C2orf66: variants seen among roughly 807,000 people sequenced by gnomAD.
C2orf66 encodes uncharacterized protein C2orf66.
In C2orf66, 6 loss-of-function variants were observed where a neutral mutation model predicts 7.0. That is an observed-to-expected ratio of 0.86 (90% CI 0.47 to 1.69). C2orf66 has a LOEUF of 1.69. C2orf66 is among the 40% of genes most tolerant of loss of function. The pLI, the probability that C2orf66 is intolerant of heterozygous loss-of-function variation, is 0.01. For synonymous variants in C2orf66, 38 were observed against 43.8 expected (o/e 0.87, Z 0.52); for missense variants, 107 against 112.0 (o/e 0.96, Z 0.20).
At chr2:196,831,192 C>T in the C2orf66 span, among the ~76,000 whole-genome samples, 1 of 152,138 alleles carries the variant, frequency 6.6e-6, no homozygotes, top group South Asian at 2.1e-4. Context: ...TTCCCTTTGT[C>T]CCCTAGGCCT....
upstream of C2orf66, among the ~76,000 whole-genome samples, chr2:196,811,686 G>A (rs561973011): frequency 1.2e-4 from 18 of 152,242 alleles, no homozygotes; most frequent in Admixed American, 9.8e-4. Context: ...GGGTTGGAGA[G>A]TATGCAATAG....
chr2:196,807,542 T>C lies in C2orf66; in HGVS notation c.204A>G (p.Glu68=). The change falls in exon 2 of 3, where the codon GAA becomes GAG. Residue 68 remains glutamate, a synonymous_variant. Coordinates refer to ENST00000342506, the MANE Select transcript of C2orf66 (RefSeq NM_213608.3). ...GTFPNPFPTN[E]NPRPLSFQSE... ...ACTGGAAAGAGAGAGGTCTAGGATT[T>C]TCATTCGTGGGGAAAGGATTTGGAA... is the stretch of plus-strand genomic sequence containing the variant. 1 of 1,613,872 alleles carries C rather than the reference T, an allele frequency of 6.2e-7. No homozygotes were observed. Among genetic ancestry groups the C allele is most frequent in the Non-Finnish European group, 8.5e-7 (1 of 1,179,842 alleles).
chr2:196,826,398 C>T, the C2orf66 span, among the ~76,000 whole-genome samples: 2 of 152,114 alleles, frequency 1.3e-5, no homozygotes, highest in African/African-American at 4.8e-5. Context: ...ATTTAAACTT[C>T]TTTAACAATA....
upstream of C2orf66, among the ~76,000 whole-genome samples, chr2:196,813,374 T>C (rs575318353): frequency 2.6e-5 from 4 of 152,290 alleles, no homozygotes; most frequent in East Asian, 3.9e-4. Flanking sequence ...TGGCTAGCCA[T>C]ATGTAGAAAG....
the C2orf66 span, among the ~76,000 whole-genome samples, chr2:196,817,797 A>G: frequency 6.6e-6 from 1 of 152,156 alleles, no homozygotes; most frequent in Non-Finnish European, 1.5e-5. Context: ...ATTTAGTGAT[A>G]TCTTCCCTAC....
the C2orf66 span, among the ~76,000 whole-genome samples, chr2:196,830,592 G>A: frequency 6.6e-6 from 1 of 152,176 alleles, no homozygotes; most frequent in African/African-American, 2.4e-5. Context: ...CTTGTAAGAG[G>A]AGCATTTACA....
the C2orf66 span, among the ~76,000 whole-genome samples, chr2:196,815,901 G>T: frequency 6.6e-6 from 1 of 152,128 alleles, no homozygotes; most frequent in Non-Finnish European, 1.5e-5. Context: ...CTTCCCCTTG[G>T]CCTAAGTGAA....
chr2:196,830,734 A>C, the C2orf66 span, among the ~76,000 whole-genome samples: 2 of 152,158 alleles, frequency 1.3e-5, no homozygotes, highest in African/African-American at 4.8e-5. Context: ...AATTTGGATA[A>C]GGATTTAAAG....
chr2:196,822,293 T>G, the C2orf66 span, among the ~76,000 whole-genome samples: 2 of 152,160 alleles, frequency 1.3e-5, no homozygotes, highest in African/African-American at 2.4e-5. Context: ...TCCAAAATGA[T>G]AGTTCATTCC....
rs1699806432 is a variant in C2orf66 at position 196,805,135 on chromosome 2, A to G, written c.*293T>C. 1 of 152,198 alleles carries G rather than the reference A, an allele frequency of 6.6e-6. No homozygotes were observed. The highest frequency in any genetic ancestry group is 2.4e-5 in the African/African-American group (1 of 41,448). The allele number at this position is 152,198 out of a possible 1,614,324, so 9.4% of individuals were successfully genotyped here. ...AAAGAAACATCTAATTTAGATTATA[A>G]TCTTTTTTCAGTTTGTGATGTTTTT... On this transcript the variant is annotated 3_prime_UTR_variant, in exon 3 of 3. Transcript: ENST00000342506.
upstream of C2orf66, chr2:196,810,042 A>G (rs1219174406): frequency 1.3e-5 from 2 of 152,232 alleles, no homozygotes; most frequent in East Asian, 3.8e-4. Flanking sequence ...TTAAAAAATA[A>G]TGATTCCTTT....
chr2:196,817,524 C>G, the C2orf66 span, among the ~76,000 whole-genome samples: 8 of 152,044 alleles, frequency 5.3e-5, no homozygotes, highest in African/African-American at 1.9e-4. Flanking sequence ...CTTGTGCCAC[C>G]GCACCTGGCC....
the C2orf66 span, among the ~76,000 whole-genome samples, chr2:196,819,494 C>A: frequency 4.6e-5 from 7 of 152,230 alleles, no homozygotes; most frequent in African/African-American, 1.7e-4. Flanking sequence ...CTTAGATTTC[C>A]AGTCTCCAGA....
chr2:196,826,345 T>A, the C2orf66 span, among the ~76,000 whole-genome samples: 3 of 152,358 alleles, frequency 2.0e-5, no homozygotes, highest in East Asian at 3.9e-4. Flanking sequence ...CTAAATTTTT[T>A]AATTTACATA....
At chr2:196,806,025 A>G (rs969845818) in intron 2 of C2orf66, among the ~76,000 whole-genome samples, 1 of 152,124 alleles carries the variant, frequency 6.6e-6, no homozygotes, top group African/African-American at 2.4e-5. Context: ...AATAATGAAA[A>G]CCCTTTCACA....
chr2:196,823,401 T>A, the C2orf66 span, among the ~76,000 whole-genome samples: 1 of 152,218 alleles, frequency 6.6e-6, no homozygotes, highest in Admixed American at 6.5e-5. Context: ...GGCAGGTGGA[T>A]GACTTGAGCT....
upstream of C2orf66, chr2:196,809,502 T>C (rs1441072217): frequency 5.1e-6 from 5 of 979,120 alleles, no homozygotes; most frequent in Admixed American, 2.6e-5. Context: ...TTTTTCCAGA[T>C]TGACTTCTAA....
At chr2:196,807,354 C>T in intron 2 of C2orf66, 70 bp downstream of exon 2, 2 of 903,986 alleles carry the variant, frequency 2.2e-6, no homozygotes, top group South Asian at 1.7e-5. Flanking sequence ...CAAATAAATA[C>T]TTTCAAAATA....
upstream of C2orf66, among the ~76,000 whole-genome samples, chr2:196,812,799 C>A (rs1576051018): frequency 6.6e-6 from 1 of 151,540 alleles, no homozygotes; most frequent in East Asian, 1.9e-4. Flanking sequence ...AACAGACAAA[C>A]AGCCAAATCA....
Sources: allele counts gnomAD v4.1 joint callset (sites outside exome capture counted in the v4.1 genomes callset), GRCh38; gene constraint gnomAD v4.1.1; transcripts MANE v1.5; gene names NCBI Gene and HGNC (gene_info 2026-07-23, HGNC 2026-07-21).